The following STAU2 variants were observed in gnomAD, a reference collection of about 807,000 sequenced individuals.
STAU2 encodes the protein staufen double-stranded RNA binding protein 2.
In STAU2, 20 loss-of-function variants were observed where a neutral mutation model predicts 65.9. The observed-to-expected ratio is 0.30, with a 90% CI of 0.21 to 0.44. The LOEUF (loss-of-function observed/expected upper bound fraction) is 0.44. STAU2 is among the 20% of genes least tolerant of loss of function. The probability of loss-of-function intolerance (pLI) is 1.00; values close to 1 mark genes in which losing one functional copy is unlikely to be tolerated. For synonymous variants in STAU2, 232 were observed against 233.9 expected, an observed-to-expected ratio of 0.99 and a Z score of 0.07; for missense variants, 558 against 683.9, an observed-to-expected ratio of 0.82 and a Z score of 2.05.
At chr8:73,721,448 A>C (rs1821683153) in intron 3 of STAU2, among the ~76,000 whole-genome samples, 1 of 152,162 alleles carries the variant, frequency 6.6e-6, no homozygotes, top group Non-Finnish European at 1.5e-5. Context: ...ACAGTTACTC[A>C]AGTCTACTAT....
chr8:73,646,960 C>CAA (rs924625262), intron 6 of STAU2, among the ~76,000 whole-genome samples: 1 of 151,476 alleles, frequency 6.6e-6, no homozygotes, highest in Non-Finnish European at 1.5e-5. Flanking sequence ...CACACACACA[C>CAA]ACACACACAC....
chr8:73,575,746 T>C (rs929687608), intron 12 of STAU2, among the ~76,000 whole-genome samples: 5 of 152,086 alleles, frequency 3.3e-5, no homozygotes, highest in African/African-American at 7.2e-5. Context: ...TGTGTATATA[T>C]GTGTGTATAA....
intron 3 of STAU2, among the ~76,000 whole-genome samples, chr8:73,718,049 G>A (rs938280895): frequency 6.6e-6 from 1 of 152,214 alleles, no homozygotes; most frequent in Non-Finnish European, 1.5e-5. Flanking sequence ...ATATGTCAAT[G>A]ACTGTTATGT....
At chr8:73,617,146 C>T (rs939533329) in intron 7 of STAU2, 146 bp downstream of exon 7, 1 of 977,070 alleles carries the variant, frequency 1.0e-6, no homozygotes. Context: ...AGTCACCCTG[C>T]AGGAACACAT....
At chr8:73,607,979 C>T (rs1812152008) in intron 9 of STAU2, among the ~76,000 whole-genome samples, 1 of 152,156 alleles carries the variant, frequency 6.6e-6, no homozygotes, top group Non-Finnish European at 1.5e-5. Context: ...GCAGTCTTAG[C>T]TCTTCCGGAT....
intron 3 of STAU2, among the ~76,000 whole-genome samples, chr8:73,711,231 A>C (rs899263976): frequency 3.3e-5 from 5 of 151,318 alleles, no homozygotes; most frequent in Admixed American, 2.0e-4. Context: ...CCTGCATTTT[A>C]CCTATTCCAT....
At chr8:73,467,955 T>G (rs980865773) in intron 13 of STAU2, among the ~76,000 whole-genome samples, 2 of 152,198 alleles carry the variant, frequency 1.3e-5, no homozygotes, top group African/African-American at 4.8e-5. Flanking sequence ...AAAAAACTAC[T>G]TTAAAGTTCA....
At chr8:73,620,136 AAT>A (rs1813122391) in intron 6 of STAU2, among the ~76,000 whole-genome samples, 1 of 152,186 alleles carries the variant, frequency 6.6e-6, no homozygotes, top group Non-Finnish European at 1.5e-5. Context: ...CTGACAGACT[AAT>A]ATGAATAACG....
At chr8:73,619,646 C>T (rs992568205) in intron 6 of STAU2, among the ~76,000 whole-genome samples, 23 of 152,084 alleles carry the variant, frequency 1.5e-4, no homozygotes, top group African/African-American at 5.6e-4. Context: ...TAATTGAAAC[C>T]ATGCAAGTGG....
At chr8:73,491,433 T>C (rs777767929) in intron 13 of STAU2, among the ~76,000 whole-genome samples, 9 of 151,958 alleles carry the variant, frequency 5.9e-5, no homozygotes, top group Non-Finnish European at 1.3e-4. Context: ...GTGACTTAAA[T>C]AGGCACACAG....
chr8:73,447,338 A>G (rs1439881760), intron 13 of STAU2, among the ~76,000 whole-genome samples: 2 of 152,162 alleles, frequency 1.3e-5, no homozygotes. Flanking sequence ...TTTTTCCCAC[A>G]TAATAATAAT....
At chr8:73,742,571 C>G (rs1399496647) in intron 1 of STAU2, among the ~76,000 whole-genome samples, 1 of 151,734 alleles carries the variant, frequency 6.6e-6, no homozygotes, top group African/African-American at 2.4e-5. Flanking sequence ...CCTCCTCTAT[C>G]ACAAAAGTTT....
chr8:73,593,603 G>A (rs1392493599), intron 11 of STAU2, among the ~76,000 whole-genome samples: 3 of 152,160 alleles, frequency 2.0e-5, no homozygotes, highest in Non-Finnish European at 2.9e-5. Flanking sequence ...GTGTTTTTGG[G>A]TGAGATTTAC....
Position 73,605,069 on chromosome 8 carries a change from C to G in STAU2, c.892-1206G>C, listed in dbSNP as rs533637156. 9.2e-5 allele frequency among the ~76,000 whole-genome samples: 14 copies of G among 151,984 alleles called. No individual in the cohort carries two copies. The South Asian group carries it at 2.9e-3, about 32-fold the overall frequency. ...GTTCATATAATGGAATGGTATATAG[C>G]AGTGAAAATGAATTAATTATTGCTA... is the stretch of plus-strand genomic sequence containing the variant. On this transcript the variant is annotated intron_variant, in intron 9 of 14. Coordinates refer to ENST00000524300, the MANE Select transcript of STAU2 (RefSeq NM_001164380.2).
At chr8:73,455,798 C>T (rs527463414) in intron 13 of STAU2, among the ~76,000 whole-genome samples, 35 of 152,066 alleles carry the variant, frequency 2.3e-4, no homozygotes, top group Non-Finnish European at 4.3e-4. Flanking sequence ...TGTGAGACTA[C>T]AACGTGTCTC....
intron 10 of STAU2, among the ~76,000 whole-genome samples, chr8:73,600,623 T>C (rs181213666): frequency 6.6e-6 from 1 of 152,236 alleles, no homozygotes; most frequent in Non-Finnish European, 1.5e-5. Context: ...GCTGGAATCC[T>C]TGCTGGTGAA....
chr8:73,660,361 G>A (rs6998181), intron 6 of STAU2, among the ~76,000 whole-genome samples: 49,578 of 151,926 alleles, frequency 0.33, 9,508 homozygotes, highest in African/African-American at 0.52. Flanking sequence ...ACCCGAAGGC[G>A]AAGGCTGCAG....
chr8:73,576,613 G>A (rs186181886), intron 12 of STAU2, among the ~76,000 whole-genome samples: 15 of 152,136 alleles, frequency 9.9e-5, no homozygotes, highest in Admixed American at 3.9e-4. Context: ...TAAATTGGGC[G>A]GTGGGTTCAT....
intron 4 of STAU2, among the ~76,000 whole-genome samples, chr8:73,693,620 C>CA (rs1231657029): frequency 1.3e-5 from 2 of 152,030 alleles, no homozygotes; most frequent in African/African-American, 4.8e-5. Context: ...TCAACATGAA[C>CA]ATTCTGTAAA....
Sources: gnomAD v4.1 joint callset for allele counts (sites outside exome capture counted in the v4.1 genomes callset) on GRCh38, gnomAD v4.1.1 for gene constraint, MANE v1.5 for transcripts, NCBI Gene and HGNC (gene_info 2026-07-23, HGNC 2026-07-21) for gene names.